NAV1: variants seen among roughly 807,000 people sequenced by gnomAD.
NAV1 encodes the protein pore membrane and/or filament interacting like protein 3.
In NAV1, 18 loss-of-function variants were observed where a neutral mutation model predicts 175.2. The observed-to-expected ratio is 0.10, with a 90% CI of 0.07 to 0.15. NAV1 has a LOEUF of 0.15. NAV1 is among the 10% of genes least tolerant of loss of function. NAV1 has a pLI of 1.00. For synonymous variants in NAV1, 897 were observed against 978.7 expected, an observed-to-expected ratio of 0.92 and a Z score of 1.56; for missense variants, 1,731 against 2,436.6, an observed-to-expected ratio of 0.71 and a Z score of 6.10.
intron 1 of NAV1, among the ~76,000 whole-genome samples, chr1:201,654,650 A>T (rs1423061874): frequency 6.6e-6 from 1 of 152,096 alleles, no homozygotes; most frequent in African/African-American, 2.4e-5. Context: ...AGCACACTGC[A>T]ATGTCTTCCT....
At chr1:201,632,493 C>A (rs565317377) in intron 2 of NAV1, among the ~76,000 whole-genome samples, 2 of 152,354 alleles carry the variant, frequency 1.3e-5, no homozygotes, top group Middle Eastern at 3.4e-3. Flanking sequence ...AGTGTATAGA[C>A]CACCATCAGA....
intron 2 of NAV1, among the ~76,000 whole-genome samples, chr1:201,642,524 T>TC (rs879837511): frequency 0.31 from 33,645 of 108,068 alleles, 5,452 homozygotes; most frequent in South Asian, 0.41. Context: ...TTTCTTTCTT[T>TC]TTTTCTTTCT....
intron 1 of NAV1, among the ~76,000 whole-genome samples, chr1:201,706,717 C>T (rs1671685246): frequency 6.6e-6 from 1 of 152,250 alleles, no homozygotes; most frequent in South Asian, 2.1e-4. Context: ...AAGTCAGGTG[C>T]AAATGCAGTC....
At chr1:201,726,973 T>A (rs1015587527) in intron 3 of NAV1, among the ~76,000 whole-genome samples, 1 of 152,200 alleles carries the variant, frequency 6.6e-6, no homozygotes, top group Admixed American at 6.5e-5. Flanking sequence ...GCTGCCTGTG[T>A]TTGTGTCCTG....
At chr1:201,712,898 G>A (rs754059349) in exon 2 of NAV1, 12 of 1,613,776 alleles carry the variant, frequency 7.4e-6, no homozygotes, top group African/African-American at 2.7e-5. Context: ...TCCAGCCTGC[G>A]AGGGTCCCAG....
chr1:201,686,285 C>A (rs1428798265), intron 1 of NAV1, among the ~76,000 whole-genome samples: 1 of 151,396 alleles, frequency 6.6e-6, no homozygotes, highest in Non-Finnish European at 1.5e-5. Context: ...TGCCTTCATC[C>A]CTGCCCCCTC....
exon 30 of NAV1, chr1:201,820,381 C>A (rs1194788787): frequency 2.0e-5 from 3 of 153,806 alleles, no homozygotes; most frequent in African/African-American, 7.2e-5. Flanking sequence ...TTCTCACAGA[C>A]CCTTCCCAAT....
At chr1:201,540,138 A>C (rs1436448080) in intron 1 of NAV1, among the ~76,000 whole-genome samples, 1 of 152,168 alleles carries the variant, frequency 6.6e-6, no homozygotes, top group Non-Finnish European at 1.5e-5. Flanking sequence ...GGAACTGGAG[A>C]GGACGCGAGT....
rs111528093 is a variant in NAV1 at position 201,698,626 on chromosome 1, C to T, written c.758-14191C>T. ...CAGGAAAGGTCTGTAGCCAGGAGAC[C>T]TGACCCCTTGAGTTCTGGTGCAGGC... is the stretch of plus-strand genomic sequence containing the variant. On this transcript the variant is annotated intron_variant, in intron 1 of 29. Coordinates refer to ENST00000367296, the Ensembl canonical transcript of NAV1. 7.2e-3 allele frequency among the ~76,000 whole-genome samples: 1,100 copies of T among 152,328 alleles called. 13 individuals carry two copies. The highest frequency in any genetic ancestry group is 0.025 in the African/African-American group (1,045 of 41,564).
Position 201,780,167 on chromosome 1 carries a change from T to G in NAV1, c.1227-254T>G, listed in dbSNP as rs139040705. Among the ~76,000 whole-genome samples, 35 of 152,334 alleles carry G rather than the reference T, an allele frequency of 2.3e-4. No homozygotes were observed. The East Asian group carries it at 6.8e-3, about 29-fold the overall frequency. On this transcript the variant is annotated intron_variant, in intron 3 of 29. Transcript: ENST00000367296. ...ACCTTGCCTTTATAAAATACCTTTC[T>G]GTTAAGAAGATACAACGTTTTCTCT...
intron 2 of NAV1, among the ~76,000 whole-genome samples, chr1:201,602,636 TG>T (rs1667549324): frequency 7.2e-6 from 1 of 138,374 alleles, no homozygotes; most frequent in Non-Finnish European, 1.5e-5. Flanking sequence ...ACTTAAGCTA[TG>T]TTTTTTTTTT....
chr1:201,701,009 CAAAAAA>C (rs386369321), intron 1 of NAV1, among the ~76,000 whole-genome samples: 2 of 52,764 alleles, frequency 3.8e-5, no homozygotes, highest in Non-Finnish European at 6.1e-5. Flanking sequence ...GACTCTGTCT[CAAAAAA>C]AAAAAAAAAA....
chr1:201,568,495 GC>G (rs1666431113), intron 1 of NAV1, among the ~76,000 whole-genome samples: 1 of 152,196 alleles, frequency 6.6e-6, no homozygotes, highest in Admixed American at 6.5e-5. Context: ...TGGGCCCACT[GC>G]AGTTCCTGTG....
chr1:201,764,752 G>C (rs565798375), intron 3 of NAV1, among the ~76,000 whole-genome samples: 1 of 150,128 alleles, frequency 6.7e-6, no homozygotes, highest in South Asian at 2.1e-4. Context: ...CTGAGTCATA[G>C]ACACATTTGA....
At chr1:201,745,099 AT>A (rs777894184) in intron 3 of NAV1, among the ~76,000 whole-genome samples, 5 of 152,232 alleles carry the variant, frequency 3.3e-5, no homozygotes, top group Non-Finnish European at 5.9e-5. Context: ...GTGAGAATTC[AT>A]CCTCAGCCTA....
intron 1 of NAV1, among the ~76,000 whole-genome samples, chr1:201,549,055 T>TA (rs1271301988): frequency 6.6e-6 from 1 of 152,234 alleles, no homozygotes; most frequent in East Asian, 1.9e-4. Context: ...AGGCAGGCTT[T>TA]AAATTCAGAT....
intron 1 of NAV1, among the ~76,000 whole-genome samples, chr1:201,681,398 T>G (rs973693670): frequency 3.9e-5 from 6 of 152,224 alleles, no homozygotes; most frequent in African/African-American, 1.4e-4. Flanking sequence ...TGAGACTTTG[T>G]ATACTAATGG....
rs181679052 is a variant in NAV1 at position 201,780,904 on chromosome 1, T to C, written c.1366-108T>C. Reference sequence around the variant, plus strand: ...GGTAGAAACCCTCAGTTTGACTTAATACTCTGAGATGAGCAGCGCCAGGTA... The same window carrying C: ...GGTAGAAACCCTCAGTTTGACTTAACACTCTGAGATGAGCAGCGCCAGGTA... On this transcript the variant is annotated intron_variant, in intron 4 of 29. Coordinates refer to ENST00000367296, the Ensembl canonical transcript of NAV1. 35 of 1,259,662 alleles carry C rather than the reference T, an allele frequency of 2.8e-5. No homozygotes were observed. In the East Asian group the frequency reaches 2.9e-4, roughly 10 times the overall value. The allele number at this position is 1,259,662 out of a possible 1,614,324, so 78.0% of individuals were successfully genotyped here.
At chr1:201,599,330 A>T (rs962694784) in intron 2 of NAV1, among the ~76,000 whole-genome samples, 17 of 152,208 alleles carry the variant, frequency 1.1e-4, no homozygotes, top group African/African-American at 4.1e-4. Context: ...CAAAGGCATT[A>T]TATCTGCAAG....
Sources: gnomAD v4.1 joint callset for allele counts (sites outside exome capture counted in the v4.1 genomes callset) on GRCh38, gnomAD v4.1.1 for gene constraint, MANE v1.5 for transcripts, NCBI Gene and HGNC (gene_info 2026-07-23, HGNC 2026-07-21) for gene names.